Variants in MDGA2 observed in about 807,000 individuals in gnomAD.
MDGA2 encodes MAM domain containing glycosylphosphatidylinositol anchor 2.
A neutral mutation model predicts 117.8 loss-of-function variants in MDGA2; 40 were observed. The ratio of observed to expected loss-of-function variants is 0.34; its 90% CI spans 0.26 to 0.44. MDGA2 has a LOEUF of 0.44. Ranked by LOEUF, MDGA2 falls within the 20% of genes least tolerant of loss-of-function variation. The probability of loss-of-function intolerance (pLI) is 1.00; values close to 1 mark genes in which losing one functional copy is unlikely to be tolerated. For missense variants in MDGA2, 1,123 were observed against 1,250.6 expected (o/e 0.90, Z 1.54); for synonymous variants, 452 against 439.0 (o/e 1.03, Z -0.37).
intron 2 of MDGA2, among the ~76,000 whole-genome samples, chr14:47,248,786 T>A (rs1193569205): frequency 6.6e-6 from 1 of 152,158 alleles, no homozygotes; most frequent in Non-Finnish European, 1.5e-5. Flanking sequence ...TTAAAATTTT[T>A]GTTGTATTTC....
intron 1 of MDGA2, among the ~76,000 whole-genome samples, chr14:47,335,745 T>TAC: frequency 1.0e-5 from 1 of 95,580 alleles, no homozygotes; most frequent in South Asian, 3.8e-4. Flanking sequence ...TATATATATA[T>TAC]ATACATACAT....
intron 2 of MDGA2, among the ~76,000 whole-genome samples, chr14:47,221,020 T>C (rs1886278623): frequency 1.3e-5 from 2 of 152,318 alleles, no homozygotes; most frequent in South Asian, 2.1e-4. Flanking sequence ...TGAGAAGATA[T>C]AGAAAAGCAT....
Position 47,141,346 on chromosome 14 carries a change from T to G in MDGA2, c.792+2732A>C, listed in dbSNP as rs1882709587. The stretch of plus-strand genomic sequence containing the variant: ...TGTCGAGGAGATACCTGCACCTCCA[T>G]ATTTATTACAGGACTATTCACAATA... On this transcript the variant is annotated intron_variant, in intron 4 of 16. Coordinates refer to ENST00000399232, the MANE Select transcript of MDGA2 (RefSeq NM_001113498.3). Among the ~76,000 whole-genome samples, 4 of 152,314 alleles carry G rather than the reference T, an allele frequency of 2.6e-5. No individual in the cohort carries two copies. The South Asian group carries it at 8.3e-4, about 32-fold the overall frequency.
chr14:47,522,078 T>C (rs1950379), intron 1 of MDGA2, among the ~76,000 whole-genome samples: 73,778 of 151,920 alleles, frequency 0.49, 18,155 homozygotes, highest in East Asian at 0.61. Context: ...AAGGAAAACA[T>C]TTTCCTTTTC....
intron 1 of MDGA2, among the ~76,000 whole-genome samples, chr14:47,346,027 C>T (rs756587829): frequency 6.6e-6 from 1 of 151,616 alleles, no homozygotes; most frequent in Non-Finnish European, 1.5e-5. Flanking sequence ...TCTGTTCCAC[C>T]GTAAAATGAC....
chr14:47,309,695 G>T (rs1421273201), intron 1 of MDGA2, among the ~76,000 whole-genome samples: 2 of 151,892 alleles, frequency 1.3e-5, no homozygotes, highest in African/African-American at 4.8e-5. Flanking sequence ...TGTTAACCAA[G>T]AATTTAAAGA....
rs749428402 is a variant in MDGA2 at position 47,674,767 on chromosome 14, G to C, written c.30C>G (p.Arg10=). 2 of 697,508 alleles carry C rather than the reference G, an allele frequency of 2.9e-6. No individual in the cohort carries two copies. The highest frequency in any genetic ancestry group is 2.2e-5 in the Admixed American group (1 of 46,288). The allele number at this position is 697,508 out of a possible 1,614,324, so 43.2% of individuals were successfully genotyped here. A position where few individuals can be genotyped will look rare whatever the true frequency, so the allele number is the denominator to read the frequency against. Reference sequence around the variant, plus strand: ...TTCCCCGGCGGCGGCGGCGAGCGGAGCGCAGGAGCCCCGCACTCCACACAC... The same window carrying C: ...TTCCCCGGCGGCGGCGGCGAGCGGACCGCAGGAGCCCCGCACTCCACACAC... The part of the protein sequence containing the change: MSVWSAGLL[R]SARRRRRGRT... The change falls in exon 1 of 17, where the codon CGC becomes CGG. Residue 10 remains arginine (R), a synonymous_variant. Transcript: ENST00000399232.
intron 1 of MDGA2, among the ~76,000 whole-genome samples, chr14:47,658,318 C>A (rs956116706): frequency 2.0e-5 from 3 of 152,112 alleles, no homozygotes; most frequent in African/African-American, 7.2e-5. Context: ...TGGTAGGAAA[C>A]CGATAAATCC....
Position 47,177,772 on chromosome 14 carries a change from C to T in MDGA2, c.596-33498G>A, listed in dbSNP as rs540922566. On this transcript the variant is annotated intron_variant, in intron 3 of 16. Transcript: ENST00000399232. ...ATATGTAACTAACTTGCACATTGTG[C>T]ACATGTACCCTAAAACTTAAAGTAT... 7.8e-4 allele frequency among the ~76,000 whole-genome samples: 118 copies of T among 151,668 alleles called. 1 individual carries two copies. Among genetic ancestry groups the T allele is most frequent in the African/African-American group, 2.7e-3 (111 of 41,374 alleles).
At chr14:46,961,424 G>A (rs752474602) in intron 8 of MDGA2, among the ~76,000 whole-genome samples, 33 of 151,936 alleles carry the variant, frequency 2.2e-4, no homozygotes, top group Non-Finnish European at 4.6e-4. Context: ...GAATAAATTC[G>A]TCTGAGCTAA....
chr14:47,507,702 G>T (rs1355861858), intron 1 of MDGA2, among the ~76,000 whole-genome samples: 1 of 152,148 alleles, frequency 6.6e-6, no homozygotes, highest in African/African-American at 2.4e-5. Context: ...TATACTTAAA[G>T]AATTCCTCCC....
chr14:47,343,045 G>A (rs571941327), intron 1 of MDGA2: 5 of 1,285,836 alleles, frequency 3.9e-6, no homozygotes, highest in Admixed American at 4.6e-5. Flanking sequence ...CAGCACTACC[G>A]TGAGTCCTGC....
In MDGA2 at chr14:47,635,894, A is replaced by C. The variant is rs192590100; in HGVS notation, c.280+38623T>G. Among the ~76,000 whole-genome samples, 646 of 152,314 alleles carry C rather than the reference A, an allele frequency of 4.2e-3. 1 individual carries two copies. The highest frequency in any genetic ancestry group is 0.015 in the African/African-American group (608 of 41,564). Reference sequence around the variant, plus strand: ...TAAGGTGGAAAAGTATTAAATTAGAAAACATAAAAATAGACACATCTTATG... The same window carrying C: ...TAAGGTGGAAAAGTATTAAATTAGACAACATAAAAATAGACACATCTTATG... On this transcript the variant is annotated intron_variant, in intron 1 of 16. Coordinates refer to ENST00000399232, the MANE Select transcript of MDGA2 (RefSeq NM_001113498.3).
At chr14:47,486,287 T>C (rs982675454) in intron 1 of MDGA2, among the ~76,000 whole-genome samples, 4 of 152,194 alleles carry the variant, frequency 2.6e-5, no homozygotes, top group Non-Finnish European at 5.9e-5. Context: ...GATTTCAGAA[T>C]TGCATGGGGC....
chr14:47,381,096 C>A (rs1215126204), intron 1 of MDGA2, among the ~76,000 whole-genome samples: 2 of 152,134 alleles, frequency 1.3e-5, no homozygotes, highest in African/African-American at 4.8e-5. Context: ...ATAAACAGAA[C>A]CAAAGACAAA....
chr14:47,374,005 T>A (rs1891422870), intron 1 of MDGA2, among the ~76,000 whole-genome samples: 1 of 152,124 alleles, frequency 6.6e-6, no homozygotes, highest in African/African-American at 2.4e-5. Context: ...AATTCCCACT[T>A]AAAATGTCAA....
At chr14:47,258,458 A>G (rs1200570492) in intron 2 of MDGA2, among the ~76,000 whole-genome samples, 7 of 152,062 alleles carry the variant, frequency 4.6e-5, no homozygotes, top group Non-Finnish European at 7.4e-5. Context: ...ACTCACTATC[A>G]CAAGAACAGC....
chr14:47,568,334 T>A (rs562408894), intron 1 of MDGA2, among the ~76,000 whole-genome samples: 2 of 152,350 alleles, frequency 1.3e-5, no homozygotes, highest in African/African-American at 4.8e-5. Flanking sequence ...ACTTAATGAA[T>A]CATACAAATA....
chr14:47,034,317 T>C (rs1185744350), intron 8 of MDGA2, among the ~76,000 whole-genome samples: 1 of 152,190 alleles, frequency 6.6e-6, no homozygotes, highest in Non-Finnish European at 1.5e-5. Context: ...ACATTTTTAA[T>C]TAGAACTATA....
Sources: allele counts gnomAD v4.1 joint callset (sites outside exome capture counted in the v4.1 genomes callset), GRCh38; gene constraint gnomAD v4.1.1; transcripts MANE v1.5; gene names NCBI Gene and HGNC (gene_info 2026-07-23, HGNC 2026-07-21).